WNK1: variants seen among roughly 807,000 people sequenced by gnomAD.
The protein encoded by WNK1 is serine/threonine-protein kinase WNK1.
Under a neutral mutation model 222.8 loss-of-function variants are expected in WNK1, and 38 were observed. The observed-to-expected ratio is 0.17, with a 90% CI of 0.13 to 0.22. The LOEUF (loss-of-function observed/expected upper bound fraction) is 0.22. Ranked by LOEUF, WNK1 falls within the 10% of genes least tolerant of loss-of-function variation. WNK1 has a pLI of 1.00. For synonymous variants in WNK1, 1,090 were observed against 1,092.9 expected (o/e 1.00, Z 0.05); for missense variants, 2,348 against 2,918.4 (o/e 0.80, Z 4.50).
chr12:886,083 C>T lies in WNK1; in HGVS notation c.5279C>T (p.Pro1760Leu), dbSNP rs141202956. The change falls in exon 19 of 28, where the codon CCG becomes CTG. Residue 1760 changes from proline (P) to leucine (L), a missense_variant and splice_region_variant. Coordinates refer to ENST00000315939, the MANE Select transcript of WNK1 (RefSeq NM_018979.4). ...APSKPPLTKA[P>L]VLPVGTELPA... ...TCCAAGCCACCTCTAACTAAGGCTC[C>T]GGTAAAATTATTGTTATAAAATAAT... is the stretch of plus-strand genomic sequence containing the variant. The T allele has an allele frequency of 4.0e-5, 65 of 1,605,602 alleles. No individual in the cohort carries two copies. Among genetic ancestry groups the T allele is most frequent in the African/African-American group, 3.8e-4 (28 of 74,064 alleles).
At chr12:890,634 T>A in intron 22 of WNK1, 121 bp downstream of exon 22, 1 of 1,009,176 alleles carries the variant, frequency 9.9e-7, no homozygotes, top group Non-Finnish European at 1.5e-6. Flanking sequence ...GCATTGGTAG[T>A]AATATCTAAA....
intron 1 of WNK1, among the ~76,000 whole-genome samples, chr12:797,753 C>G (rs1315985620): frequency 6.6e-6 from 1 of 151,956 alleles, no homozygotes; most frequent in African/African-American, 2.4e-5. Flanking sequence ...CGAGACGAGC[C>G]TGGCCAACAC....
intron 1 of WNK1, among the ~76,000 whole-genome samples, chr12:763,383 A>T (rs1941283016): frequency 1.4e-5 from 2 of 146,682 alleles, no homozygotes; most frequent in African/African-American, 4.9e-5. Context: ...CAGAAGTTGG[A>T]GACCAGCCTA....
chr12:753,920 C>T lies in WNK1; in HGVS notation c.355C>T (p.Pro119Ser), dbSNP rs776979119. 6 of 1,608,458 alleles carry T rather than the reference C, an allele frequency of 3.7e-6. No homozygotes were observed. Among genetic ancestry groups the T allele is most frequent in the South Asian group, 3.3e-5 (3 of 90,776 alleles). Residue 119 changes from proline (P) to serine (S), a missense_variant, in exon 1 of 28, where the codon CCC becomes TCC. Pro to Ser is a moderately conservative substitution (Grantham distance 74). Coordinates refer to ENST00000315939, the MANE Select transcript of WNK1 (RefSeq NM_018979.4). The surrounding 1 kb of genome is among the most constrained non-coding windows in gnomAD (Gnocchi z 5.2). ...TGTCCCGCAGAGTGCTCCACCGGAG[C>T]CCCACCGGGAAGAGACCGTGACCGC... ...AAVPQSAPPEPHREETVTATA... is the reference protein window; with the variant it reads ...AAVPQSAPPESHREETVTATA...
rs186707998 is a variant in WNK1 at position 785,187 on chromosome 12, G to A, written c.760-28455G>A. ...TTTCAGGTTTTTTGTCTTGTCCTCA[G>A]CGTTTTGAAATTTCAGCAATGTGCC... On this transcript the variant is annotated intron_variant, in intron 1 of 27. Transcript: ENST00000315939. 6.6e-5 allele frequency among the ~76,000 whole-genome samples: 10 copies of A among 152,070 alleles called. No homozygotes were observed. The East Asian group carries it at 1.2e-3, about 18-fold the overall frequency.
At chr12:899,937 A>T (rs1955094764) in intron 25 of WNK1, among the ~76,000 whole-genome samples, 1 of 151,516 alleles carries the variant, frequency 6.6e-6, no homozygotes, top group South Asian at 2.1e-4. Flanking sequence ...CGCTGCTCAG[A>T]CATGTGGCCC....
At chr12:866,455 T>C (rs926156011) in intron 8 of WNK1, among the ~76,000 whole-genome samples, 26 of 152,284 alleles carry the variant, frequency 1.7e-4, no homozygotes, top group South Asian at 6.2e-4. Context: ...CTCTGCCTCC[T>C]GGGTTCAAGT....
Position 776,694 on chromosome 12 carries a change from C to T in WNK1, c.759+22370C>T, listed in dbSNP as rs776836986. Among the ~76,000 whole-genome samples the T allele has an allele frequency of 4.0e-4, 61 of 151,186 alleles. No individual in the cohort carries two copies. In the Middle Eastern group the frequency reaches 0.01, roughly 26 times the overall value. On this transcript the variant is annotated intron_variant, in intron 1 of 27. Coordinates refer to ENST00000315939, the MANE Select transcript of WNK1 (RefSeq NM_018979.4). ...ATCTGCCCGCCTTGGCCTCCCAAAGCGCTGGGATTACAGGTGTGAGCTACC... is the reference window on the plus strand; with the variant it reads ...ATCTGCCCGCCTTGGCCTCCCAAAGTGCTGGGATTACAGGTGTGAGCTACC...
At chr12:849,775 T>G (rs2154053996) in intron 4 of WNK1, among the ~76,000 whole-genome samples, 1 of 151,750 alleles carries the variant, frequency 6.6e-6, no homozygotes, top group Middle Eastern at 3.4e-3. Context: ...TGTCCATGTG[T>G]TCTCATTGTT....
chr12:821,948 T>C (rs1947917297), intron 2 of WNK1, among the ~76,000 whole-genome samples: 1 of 152,070 alleles, frequency 6.6e-6, no homozygotes, highest in South Asian at 2.1e-4. Flanking sequence ...TTGTAGACAG[T>C]ATATAGTTGG....
intron 14 of WNK1, among the ~76,000 whole-genome samples, 173 bp from the exon 15 acceptor site, chr12:882,770 A>G (rs775264065): frequency 1.3e-5 from 2 of 152,226 alleles, no homozygotes; most frequent in African/African-American, 2.4e-5. Context: ...ACGTCTTCTC[A>G]AAGATTTTTC....
chr12:813,034 G>C (rs917393449), intron 1 of WNK1, among the ~76,000 whole-genome samples: 1 of 152,034 alleles, frequency 6.6e-6, no homozygotes, highest in African/African-American at 2.4e-5. Context: ...AGAAGTTCAA[G>C]ACCAGCCAGT....
chr12:859,957 C>G (rs1171701718), intron 6 of WNK1, among the ~76,000 whole-genome samples: 7 of 152,064 alleles, frequency 4.6e-5, no homozygotes, highest in Non-Finnish European at 8.8e-5. Context: ...GTCAAGTGAT[C>G]ATCCCACCTC....
At chr12:772,309 G>C (rs1942605715) in intron 1 of WNK1, among the ~76,000 whole-genome samples, 1 of 152,104 alleles carries the variant, frequency 6.6e-6, no homozygotes, top group Non-Finnish European at 1.5e-5. Flanking sequence ...CAGTTTGCCT[G>C]TTTTACCACA....
intron 27 of WNK1, 80 bp downstream of exon 27, chr12:908,114 C>T (rs573709550): frequency 2.1e-5 from 32 of 1,491,856 alleles, no homozygotes; most frequent in African/African-American, 2.8e-5. Flanking sequence ...TGCTGCTTAA[C>T]GTCTTACGCC....
chr12:895,999 T>G, intron 23 of WNK1, 72 bp from the exon 24 acceptor site: 1 of 1,597,660 alleles, frequency 6.3e-7, no homozygotes, highest in Non-Finnish European at 8.6e-7. Flanking sequence ...CTTTTTTTCC[T>G]TTTTTAAATT....
At chr12:906,192 T>C in intron 26 of WNK1, 1 of 589,702 alleles carries the variant, frequency 1.7e-6, no homozygotes, top group Non-Finnish European at 2.1e-6. Flanking sequence ...CAACTTACTT[T>C]AGGAGCTTTT....
Position 865,246 on chromosome 12 carries a change from G to C in WNK1, c.2139+2976G>C, listed in dbSNP as rs1951563095. The C allele has an allele frequency of 1.3e-6, 2 of 1,535,984 alleles. No homozygotes were observed. Among genetic ancestry groups the C allele is most frequent in the Non-Finnish European group, 8.7e-7 (1 of 1,146,870 alleles). ...TCTTTCTCCTTCCCTCCTCCGGACTGCCCCGAGGAAACTTTTGCCGAAAAG... is the reference window on the plus strand; with the variant it reads ...TCTTTCTCCTTCCCTCCTCCGGACTCCCCCGAGGAAACTTTTGCCGAAAAG... On this transcript the variant is annotated intron_variant, in intron 8 of 27. Transcript: ENST00000315939.
intron 26 of WNK1, among the ~76,000 whole-genome samples, chr12:905,993 G>A (rs1242433426): frequency 6.6e-6 from 1 of 152,158 alleles, no homozygotes; most frequent in Non-Finnish European, 1.5e-5. Flanking sequence ...CTGCTTGTGT[G>A]TGCCATTCCC....
Sources: gnomAD v4.1 joint callset for allele counts (sites outside exome capture counted in the v4.1 genomes callset) on GRCh38, gnomAD v4.1.1 for gene constraint, Gnocchi (gnomAD v3.1) non-coding constraint, MANE v1.5 for transcripts, NCBI Gene and HGNC (gene_info 2026-07-23, HGNC 2026-07-21) for gene names.